ADAM30: variants seen among roughly 807,000 people sequenced by gnomAD.
ADAM30 encodes disintegrin and metalloproteinase domain-containing protein 30.
For missense variants in ADAM30, 960 were observed against 959.4 expected (o/e 1.00, Z -0.01); for synonymous variants, 382 against 340.9 (o/e 1.12, Z -1.33).
chr1:119,896,408 G>C lies in ADAM30; in HGVS notation c.-72C>G, dbSNP rs893756618. On this transcript the variant is annotated 5_prime_UTR_variant, in exon 1 of 1. Coordinates refer to ENST00000369400, the MANE Select transcript of ADAM30 (RefSeq NM_021794.4). ...TCTGGCCTCGCGAGTCAGATTTCTG[G>C]GGGCCGCCGCTAGAGGCGCCTGAGC... 2 of 1,452,896 alleles carry C rather than the reference G, an allele frequency of 1.4e-6. No individual in the cohort carries two copies. The highest frequency in any genetic ancestry group is 1.5e-5 in the South Asian group (1 of 65,394). The allele number at this position is 1,452,896 out of a possible 1,614,324, so 90.0% of individuals were successfully genotyped here.
chr1:119,893,779 G>T lies in ADAM30; in HGVS notation c.*185C>A. 1 of 1,224,244 alleles carries T rather than the reference G, an allele frequency of 8.2e-7. No homozygotes were observed. The highest frequency in any genetic ancestry group is 1.1e-6 in the Non-Finnish European group (1 of 912,354). The allele number at this position is 1,224,244 out of a possible 1,614,324, so 75.8% of individuals were successfully genotyped here. A position where few individuals can be genotyped will look rare whatever the true frequency, so the allele number is the denominator to read the frequency against. On this transcript the variant is annotated 3_prime_UTR_variant, in exon 1 of 1. Transcript: ENST00000369400. ...CTTGGTCACAAACTGAGGGGCAAGT[G>T]AACACTCGAGAAGTAGAATGCACTG...
At position 119,896,175 on chromosome 1, in the gene ADAM30, C is replaced by G; in HGVS notation, c.162G>C (p.Glu54Asp). The G allele has an allele frequency of 6.2e-7, 1 of 1,614,170 alleles. No homozygotes were observed. The highest frequency in any genetic ancestry group is 8.5e-7 in the Non-Finnish European group (1 of 1,180,020). ...ACACGGGACTGACCACACCCTGCACCTCTCCCCGGAAGCTCAGCTTCTCAG... is the reference window on the plus strand; with the variant it reads ...ACACGGGACTGACCACACCCTGCACGTCTCCCCGGAAGCTCAGCTTCTCAG... ...TIPEKLSFRG[E>D]VQGVVSPVSY... Residue 54 changes from glutamate to aspartate, a missense_variant, in exon 1 of 1, where the codon GAG becomes GAC. Coordinates refer to ENST00000369400, the MANE Select transcript of ADAM30 (RefSeq NM_021794.4).
rs761124638 is a variant in ADAM30 at position 119,895,305 on chromosome 1, T to TACAGCATGCCG, written c.1031_1032insCGGCATGCTGT (p.Ser347LeufsTer2). On this transcript the variant is annotated frameshift_variant, in exon 1 of 1. Transcript: ENST00000369400. LOFTEE classifies it low-confidence loss of function (END_TRUNC). ...AGTATTGTTCATCATGTGACATTCC[T>TACAGCATGCCG]ACAGCATGACCCAGCTCATGAGCAG... The TACAGCATGCCG allele has an allele frequency of 9.9e-6, 16 of 1,614,140 alleles. No individual in the cohort carries two copies. The Admixed American group carries it at 2.2e-4, about 22-fold the overall frequency.
In ADAM30 at chr1:119,895,111, T is replaced by G; in HGVS notation, c.1226A>C (p.Asp409Ala). ...LKRCGNKIVE[D>A]NEECDCGSTE... ...GGAACCACAGTCACATTCCTCATTG[T>G]CCTCCACAATTTTGTTTCCACATCT... The change falls in exon 1 of 1, where the codon GAC becomes GCC. Residue 409 changes from aspartate to alanine, a missense_variant. Asp to Ala is a moderately radical substitution (Grantham distance 126). Transcript: ENST00000369400. 3 of 1,614,156 alleles carry G rather than the reference T, an allele frequency of 1.9e-6. No individual in the cohort carries two copies. Among genetic ancestry groups the G allele is most frequent in the Non-Finnish European group, 2.5e-6 (3 of 1,180,020 alleles).
chr1:119,896,010 G>A lies in ADAM30; in HGVS notation c.327C>T (p.Asp109=). 6.2e-7 allele frequency: 1 copy of A among 1,614,162 alleles called. No homozygotes were observed. The highest frequency in any genetic ancestry group is 1.1e-5 in the South Asian group (1 of 91,078). ...LLEDHPYIPK[D]CNYMGSVKES... is the part of the protein sequence containing the mutation. ...CTTTCACGGAGCCCATGTAGTTGCA[G>A]TCCTTTGGTATGTAAGGATGATCCT... is the stretch of plus-strand genomic sequence containing the variant. Residue 109 remains aspartate, a synonymous_variant, in exon 1 of 1, where the codon GAC becomes GAT. Coordinates refer to ENST00000369400, the MANE Select transcript of ADAM30 (RefSeq NM_021794.4).
In ADAM30 at chr1:119,895,160, G is replaced by A; in HGVS notation, c.1177C>T (p.Pro393Ser). 1 of 1,613,934 alleles carries A rather than the reference G, an allele frequency of 6.2e-7. No homozygotes were observed. Among genetic ancestry groups the A allele is most frequent in the Non-Finnish European group, 8.5e-7 (1 of 1,180,022 alleles). The change falls in exon 1 of 1, where the codon CCA becomes TCA. Residue 393 changes from proline to serine, a missense_variant. Coordinates refer to ENST00000369400, the MANE Select transcript of ADAM30 (RefSeq NM_021794.4). ...SSGATCLNNI[P>S]GLGYVLKRCG... ...CTCTTAAGCACATAACCTAGTCCTG[G>A]GATATTATTTAGACATGTTGCTCCC... is the stretch of plus-strand genomic sequence containing the variant.
rs1338405174 is a variant in ADAM30, at chr1:119,896,021, T to G, written c.316A>C (p.Ile106Leu). 11 of 1,614,168 alleles carry G rather than the reference T, an allele frequency of 6.8e-6. No homozygotes were observed. Among genetic ancestry groups the G allele is most frequent in the Non-Finnish European group, 9.3e-6 (11 of 1,180,032 alleles). The change falls in exon 1 of 1, where the codon ATA becomes CTA. Residue 106 changes from isoleucine to leucine, a missense_variant. By Grantham distance (5) the Ile-to-Leu change is conservative (BLOSUM62 2). Coordinates refer to ENST00000369400, the MANE Select transcript of ADAM30 (RefSeq NM_021794.4). ...HGELLEDHPY[I>L]PKDCNYMGSV... ...CCCATGTAGTTGCAGTCCTTTGGTA[T>G]GTAAGGATGATCCTCCAGCAGTTCC...
rs147643084 is a variant in ADAM30 at position 119,894,980 on chromosome 1, A to G, written c.1357T>C (p.Ser453Pro). ...CCTTCCTGCCTACACACGTATCCAG[A>G]TGGACGAAACCGACAATCATGACAG... is the stretch of plus-strand genomic sequence containing the variant. ...LCCHDCRFRP[S>P]GYVCRQEGNE... Residue 453 changes from serine to proline, a missense_variant, in exon 1 of 1, where the codon TCT (serine) becomes CCT (proline). Ser to Pro is a moderately conservative substitution (Grantham distance 74). Coordinates refer to ENST00000369400, the MANE Select transcript of ADAM30 (RefSeq NM_021794.4). The G allele has an allele frequency of 3.1e-5, 50 of 1,614,098 alleles. No individual in the cohort carries two copies. The Middle Eastern group carries it at 6.6e-4, about 21-fold the overall frequency.
Position 119,894,299 on chromosome 1 carries a change from C to T in ADAM30, c.2038G>A (p.Gly680Arg). 6.2e-7 allele frequency: 1 copy of T among 1,614,166 alleles called. No homozygotes were observed. Among genetic ancestry groups the T allele is most frequent in the Non-Finnish European group, 8.5e-7 (1 of 1,180,038 alleles). ...IDSGPPGLLR[G>R]AIPSSIWVVS... ...ACCCAAATTGACGAGGGAATCGCCCCTCTGAGCAGTCCTGGAGGCCCACTG... is the reference window on the plus strand; with the variant it reads ...ACCCAAATTGACGAGGGAATCGCCCTTCTGAGCAGTCCTGGAGGCCCACTG... Residue 680 changes from glycine to arginine, a missense_variant, in exon 1 of 1, where the codon GGG (glycine) becomes AGG (arginine). Physicochemically the swap from Gly to Arg is moderately radical, Grantham distance 125. Transcript: ENST00000369400.
rs759535134 is a variant in ADAM30 at position 119,894,801 on chromosome 1, T to C, written c.1536A>G (p.Gly512=). The C allele has an allele frequency of 1.9e-6, 3 of 1,614,206 alleles. No homozygotes were observed. In the South Asian group the frequency reaches 3.3e-5, roughly 18 times the overall value. The change falls in exon 1 of 1, where the codon GGA becomes GGG. Residue 512 remains glycine, a synonymous_variant. Transcript: ENST00000369400. ...SRYMQCQSIF[G]PDAMEAPSEC... ...CACTAGGAGCCTCCATGGCATCAGG[T>C]CCAAAAATGCTTTGGCACTGCATAT...
At position 119,895,320 on chromosome 1, in the gene ADAM30, C is replaced by T. The variant is rs1157676335; in HGVS notation, c.1017G>A (p.Glu339=). The T allele has an allele frequency of 7.4e-6, 12 of 1,614,050 alleles. No homozygotes were observed. The East Asian group carries it at 2.7e-4, about 36-fold the overall frequency. The part of the protein sequence containing the change: ...ILAPATWSAH[E]LGHAVGMSHD... ...GTGACATTCCTACAGCATGACCCAG[C>T]TCATGAGCAGACCAGGTAGCAGGGG... is the stretch of plus-strand genomic sequence containing the variant. The change falls in exon 1 of 1, where the codon GAG becomes GAA. Residue 339 remains glutamate, a synonymous_variant. Coordinates refer to ENST00000369400, the MANE Select transcript of ADAM30 (RefSeq NM_021794.4).
At position 119,894,004 on chromosome 1, in the gene ADAM30, T is replaced by C; in HGVS notation, c.2333A>G (p.Lys778Arg). Residue 778 changes from lysine (K) to arginine (R), a missense_variant, in exon 1 of 1, where the codon AAA (lysine) becomes AGA (arginine). Physicochemically the swap from Lys to Arg is conservative, Grantham distance 26. Transcript: ENST00000369400. ...CTTGACACTCTTTGCTTTGGGTCGTTTACTTTCAATGTTTGCTTTAGATTC... is the reference window on the plus strand; with the variant it reads ...CTTGACACTCTTTGCTTTGGGTCGTCTACTTTCAATGTTTGCTTTAGATTC... ...QEESKANIES[K>R]RPKAKSVKKQ... The C allele has an allele frequency of 1.9e-6, 3 of 1,612,928 alleles. No individual in the cohort carries two copies. In the East Asian group the frequency reaches 6.7e-5, roughly 36 times the overall value.
In ADAM30 at chr1:119,894,678, T is replaced by C. The variant is rs751654778; in HGVS notation, c.1659A>G (p.Ile553Met). The change falls in exon 1 of 1, where the codon ATA becomes ATG. Residue 553 changes from isoleucine (I) to methionine (M), a missense_variant. By Grantham distance (10) the Ile-to-Met change is conservative. Transcript: ENST00000369400. ...NFKKCESANSICGRLQCINVE... is the reference protein window; with the variant it reads ...NFKKCESANSMCGRLQCINVE... ...CATTTATACACTGTAGCCTGCCACA[T>C]ATTGAATTTGCACTTTCACACTTTT... 2.4e-5 allele frequency: 39 copies of C among 1,614,032 alleles called. No individual in the cohort carries two copies. Among genetic ancestry groups the C allele is most frequent in the Non-Finnish European group, 3.4e-6 (4 of 1,180,052 alleles).
Position 119,894,407 on chromosome 1 carries a change from A to C in ADAM30, c.1930T>G (p.Cys644Gly). Residue 644 changes from cysteine to glycine, a missense_variant, in exon 1 of 1, where the codon TGC (cysteine) becomes GGC (glycine). Cys to Gly is a radical substitution (Grantham distance 159). Coordinates refer to ENST00000369400, the MANE Select transcript of ADAM30 (RefSeq NM_021794.4). ...LPEKCNTRGV[C>G]NNRKNCHCMY... is the part of the protein sequence containing the mutation. ...CAGTGGCAGTTTTTTCTGTTGTTGC[A>C]AACACCCCGGGTATTGCATTTCTCA... 3 of 1,614,186 alleles carry C rather than the reference A, an allele frequency of 1.9e-6. No individual in the cohort carries two copies. Among genetic ancestry groups the C allele is most frequent in the Non-Finnish European group, 2.5e-6 (3 of 1,180,032 alleles).
rs914693828 is a variant in ADAM30, at chr1:119,893,703, G to A, written c.*261C>T. 2.3e-5 allele frequency: 13 copies of A among 560,990 alleles called. No homozygotes were observed. The African/African-American group carries it at 2.5e-4, about 11-fold the overall frequency. 34.8% of individuals were successfully genotyped at this position (560,990 alleles called of 1,614,324 possible). A position where few individuals can be genotyped will look rare whatever the true frequency, so the allele number is the denominator to read the frequency against. On this transcript the variant is annotated 3_prime_UTR_variant, in exon 1 of 1. Transcript: ENST00000369400. ...TTCTAGGAAACTCACTACTTTCAGA[G>A]CTTTAGTGTATGGAAAAGCCATTAG... is the stretch of plus-strand genomic sequence containing the variant.
chr1:119,895,575 T>G lies in ADAM30; in HGVS notation c.762A>C (p.Glu254Asp). The change falls in exon 1 of 1, where the codon GAA becomes GAC. Residue 254 changes from glutamate to aspartate, a missense_variant. Physicochemically the swap from Glu to Asp is conservative, Grantham distance 45. Coordinates refer to ENST00000369400, the MANE Select transcript of ADAM30 (RefSeq NM_021794.4). ...GTATTTTGTTAAAATCTGTCCATACTTCAAGAGCCTTTAAGTGTATCCTCA... is the reference window on the plus strand; with the variant it reads ...GTATTTTGTTAAAATCTGTCCATACGTCAAGAGCCTTTAAGTGTATCCTCA... ...VRMRIHLKAL[E>D]VWTDFNKIRV... The G allele has an allele frequency of 6.2e-7, 1 of 1,613,878 alleles. No homozygotes were observed. The highest frequency in any genetic ancestry group is 1.1e-5 in the South Asian group (1 of 91,070).
Position 119,896,152 on chromosome 1 carries a change from A to G in ADAM30, c.185T>C (p.Val62Ala), listed in dbSNP as rs773628655. The G allele has an allele frequency of 1.2e-6, 2 of 1,614,106 alleles. No homozygotes were observed. Among genetic ancestry groups the G allele is most frequent in the South Asian group, 2.2e-5 (2 of 91,056 alleles). ...GCCTTTTAACTGCAGTAGGTAGGAC[A>G]CGGGACTGACCACACCCTGCACCTC... ...RGEVQGVVSP[V>A]SYLLQLKGKK... The change falls in exon 1 of 1, where the codon GTG (valine) becomes GCG (alanine). Residue 62 changes from valine to alanine, a missense_variant. Physicochemically the swap from Val to Ala is moderately conservative, Grantham distance 64. Transcript: ENST00000369400.
At position 119,895,238 on chromosome 1, in the gene ADAM30, G is replaced by A. The variant is rs761418593; in HGVS notation, c.1099C>T (p.Arg367Cys). 22 of 1,614,118 alleles carry A rather than the reference G, an allele frequency of 1.4e-5. No homozygotes were observed. In the South Asian group the frequency reaches 1.4e-4, roughly 10 times the overall value. ...GRLNCIMGSG[R>C]TGFSNCSYIS... The stretch of plus-strand genomic sequence containing the variant: ...TAACTGCAATTGCTAAACCCAGTGC[G>A]TCCTGAGCCCATGATGCAATTAAGC... Residue 367 changes from arginine to cysteine, a missense_variant, in exon 1 of 1, where the codon CGC (arginine) becomes TGC (cysteine). Arg to Cys is a radical substitution (Grantham distance 180). Transcript: ENST00000369400.
At position 119,895,253 on chromosome 1, in the gene ADAM30, T is replaced by C. The variant is rs766274936; in HGVS notation, c.1084A>G (p.Ile362Val). The change falls in exon 1 of 1, where the codon ATC becomes GTC. Residue 362 changes from isoleucine to valine, a missense_variant. Physicochemically the swap from Ile to Val is conservative, Grantham distance 29. Transcript: ENST00000369400. ...YCQCRGRLNC[I>V]MGSGRTGFSN... ...AACCCAGTGCGTCCTGAGCCCATGA[T>C]GCAATTAAGCCTACCCCTACATTGG... 6.2e-7 allele frequency: 1 copy of C among 1,614,198 alleles called. No individual in the cohort carries two copies. The highest frequency in any genetic ancestry group is 8.5e-7 in the Non-Finnish European group (1 of 1,180,036).
Sources: allele counts gnomAD v4.1 joint callset, GRCh38; gene constraint gnomAD v4.1.1; transcripts MANE v1.5; gene names NCBI Gene and HGNC (gene_info 2026-07-23, HGNC 2026-07-21).